Variants in IL17RD observed in about 807,000 individuals in gnomAD.
IL17RD encodes the protein interleukin 17 receptor D.
A neutral mutation model predicts 80.5 loss-of-function variants in IL17RD; 52 were observed. The observed-to-expected ratio is 0.65, with a 90% CI of 0.52 to 0.81. The LOEUF is 0.81. Ranked by LOEUF, IL17RD falls within the 40% of genes least tolerant of loss-of-function variation. IL17RD has a pLI of 0.00. For missense variants in IL17RD, 1,024 were observed against 955.1 expected, an observed-to-expected ratio of 1.07 and a Z score of -0.95; for synonymous variants, 416 against 391.8, an observed-to-expected ratio of 1.06 and a Z score of -0.73.
chr3:57,101,066 A>T, intron 11 of IL17RD, 113 bp downstream of exon 11: 1 of 726,174 alleles, frequency 1.4e-6, no homozygotes, highest in Non-Finnish European at 2.3e-6. Context: ...CTGTGGCACT[A>T]GTCAAGGGCA....
chr3:57,156,008 G>C (rs1270673524), intron 1 of IL17RD, among the ~76,000 whole-genome samples: 1 of 152,142 alleles, frequency 6.6e-6, no homozygotes, highest in Non-Finnish European at 1.5e-5. Flanking sequence ...ATTTCCTGTA[G>C]AGTGCTTAGT....
intron 1 of IL17RD, among the ~76,000 whole-genome samples, chr3:57,123,653 A>C (rs1707386686): frequency 6.6e-6 from 1 of 152,250 alleles, no homozygotes; most frequent in Non-Finnish European, 1.5e-5. Flanking sequence ...AATTCCACAG[A>C]AAATCAGAGA....
At chr3:57,102,677 G>A (rs1301358227) in intron 9 of IL17RD, 88 bp from the exon 10 acceptor site, 4 of 581,494 alleles carry the variant, frequency 6.9e-6, no homozygotes, top group East Asian at 2.9e-5. Flanking sequence ...AACATAAGCC[G>A]CATAACAGGT....
chr3:57,136,478 A>C (rs1278957699), intron 1 of IL17RD, among the ~76,000 whole-genome samples: 1 of 151,942 alleles, frequency 6.6e-6, no homozygotes, highest in Non-Finnish European at 1.5e-5. Context: ...TATGAAAAAT[A>C]AGAATAATTA....
At chr3:57,124,578 G>A (rs936781132) in intron 1 of IL17RD, among the ~76,000 whole-genome samples, 1 of 152,118 alleles carries the variant, frequency 6.6e-6, no homozygotes, top group Non-Finnish European at 1.5e-5. Flanking sequence ...GACTGAAAAA[G>A]GCAAGGAATG....
intron 1 of IL17RD, among the ~76,000 whole-genome samples, chr3:57,122,098 C>A (rs1707354018): frequency 1.3e-5 from 2 of 152,092 alleles, no homozygotes; most frequent in Admixed American, 6.5e-5. Context: ...GATGGCAAAA[C>A]AAGGTATATA....
chr3:57,164,978 G>A lies in IL17RD; in HGVS notation c.126+183C>T, dbSNP rs914186529. 5.3e-6 allele frequency: 7 copies of A among 1,330,896 alleles called. No individual in the cohort carries two copies. The South Asian group carries it at 7.4e-5, about 14-fold the overall frequency. 82.4% of individuals were successfully genotyped at this position (1,330,896 alleles called of 1,614,324 possible). ...GGCAGCCGCTTTCATCTCGGCCAGG[G>A]CCGGAGGACACGCGTCCGGGGAGGG... On this transcript the variant is annotated intron_variant, in intron 1 of 12. Transcript: ENST00000296318.
intron 2 of IL17RD, among the ~76,000 whole-genome samples, chr3:57,117,362 C>T (rs1244819542): frequency 1.3e-5 from 2 of 152,206 alleles, no homozygotes; most frequent in Non-Finnish European, 2.9e-5. Context: ...GATCCACCCG[C>T]TTTGGCCTCC....
At chr3:57,135,008 T>G (rs888859636) in intron 1 of IL17RD, among the ~76,000 whole-genome samples, 1 of 151,938 alleles carries the variant, frequency 6.6e-6, no homozygotes, top group Non-Finnish European at 1.5e-5. Context: ...CTTGGGAGGT[T>G]GATATGGAAG....
Position 57,120,801 on chromosome 3 carries a change from T to TA in IL17RD, c.127-489dup, listed in dbSNP as rs570851196. Among the ~76,000 whole-genome samples, 16 of 152,316 alleles carry TA rather than the reference T, an allele frequency of 1.1e-4. 1 individual carries two copies. The East Asian group carries it at 3.1e-3, about 29-fold the overall frequency. Reference sequence around the variant, plus strand: ...TCAAGACTGGGAATGAGTATGGGAATAAGCTGTTACTTTTAATGAGAAAAT... The same window carrying TA: ...TCAAGACTGGGAATGAGTATGGGAATAAAGCTGTTACTTTTAATGAGAAAAT... On this transcript the variant is annotated intron_variant, in intron 1 of 12. Transcript: ENST00000296318.
chr3:57,150,588 A>G (rs1255993578), intron 1 of IL17RD: 1 of 152,250 alleles, frequency 6.6e-6, no homozygotes, highest in Non-Finnish European at 1.5e-5. Flanking sequence ...AAGGCTGGGC[A>G]GTCAGGACGA....
intron 1 of IL17RD, among the ~76,000 whole-genome samples, chr3:57,140,984 C>T (rs1422495891): frequency 6.6e-6 from 1 of 151,954 alleles, no homozygotes; most frequent in Non-Finnish European, 1.5e-5. Flanking sequence ...GCCTCCAACT[C>T]CTGGGCTCAA....
intron 1 of IL17RD, among the ~76,000 whole-genome samples, chr3:57,154,083 A>C (rs2060249577): frequency 7.0e-6 from 1 of 142,650 alleles, no homozygotes; most frequent in Admixed American, 7.3e-5. Flanking sequence ...CTGTCTTAAC[A>C]AAAAAAAAGT....
In IL17RD at chr3:57,104,379, A is replaced by G; in HGVS notation, c.776T>C (p.Leu259Pro). The G allele has an allele frequency of 6.2e-7, 1 of 1,610,474 alleles. No individual in the cohort carries two copies. Among genetic ancestry groups the G allele is most frequent in the Admixed American group, 1.7e-5 (1 of 59,886 alleles). Residue 259 changes from leucine to proline, a missense_variant, in exon 8 of 13, where the codon CTC becomes CCC. By Grantham distance (98) the Leu-to-Pro change is moderately conservative. Coordinates refer to ENST00000296318, the MANE Select transcript of IL17RD (RefSeq NM_017563.5). ...QEQTTETTSCLLQNVSPGDYI... is the reference protein window; with the variant it reads ...QEQTTETTSCPLQNVSPGDYI... ...ATCCCCTGGAGAAACATTTTGAAGG[A>G]GGCAGCTGGTCGTCTCTGTAGTTTG...
At chr3:57,148,941 G>T (rs1314902895) in intron 1 of IL17RD, among the ~76,000 whole-genome samples, 2 of 152,130 alleles carry the variant, frequency 1.3e-5, no homozygotes, top group African/African-American at 4.8e-5. Flanking sequence ...ACTAACCTCT[G>T]CACCTTTTAA....
At chr3:57,099,318 T>C (rs765846620) in intron 11 of IL17RD, among the ~76,000 whole-genome samples, 2 of 152,204 alleles carry the variant, frequency 1.3e-5, no homozygotes, top group Non-Finnish European at 2.9e-5. Flanking sequence ...GGCGGTCTGG[T>C]AGAGAGACTG....
At position 57,098,292 on chromosome 3, in the gene IL17RD, C is replaced by A; in HGVS notation, c.1411G>T (p.Ala471Ser). Residue 471 changes from alanine to serine, a missense_variant, in exon 12 of 13, where the codon GCG (alanine) becomes TCG (serine). Physicochemically the swap from Ala to Ser is moderately conservative, Grantham distance 99. Coordinates refer to ENST00000296318, the MANE Select transcript of IL17RD (RefSeq NM_017563.5). ...TAGACGGCGATAAACTTGCTGAGCG[C>A]CGCGGACGAACTCTGCTTGGCCTGG... ...LRQAKQSSSA[A>S]LSKFIAVYFD... The A allele has an allele frequency of 1.2e-6, 2 of 1,614,036 alleles. No individual in the cohort carries two copies. Among genetic ancestry groups the A allele is most frequent in the Non-Finnish European group, 1.7e-6 (2 of 1,179,902 alleles).
At chr3:57,142,634 G>A (rs1707852659) in intron 1 of IL17RD, 4 of 422,156 alleles carry the variant, frequency 9.5e-6, no homozygotes, top group South Asian at 6.3e-5. Context: ...CTTCCAGAAC[G>A]TCCTCATTGA....
intron 1 of IL17RD, among the ~76,000 whole-genome samples, chr3:57,163,803 A>AGGGG (rs1401715931): frequency 1.3e-3 from 7 of 5,546 alleles, no homozygotes; most frequent in Admixed American, 2.2e-3. Flanking sequence ...CGGGGGGGGA[A>AGGGG]GGGGGTGGCG....
Sources: allele counts gnomAD v4.1 joint callset (sites outside exome capture counted in the v4.1 genomes callset), GRCh38; gene constraint gnomAD v4.1.1; transcripts MANE v1.5; gene names NCBI Gene and HGNC (gene_info 2026-07-23, HGNC 2026-07-21).